The following MSI2 variants were observed in gnomAD, a reference collection of about 807,000 sequenced individuals.
MSI2 encodes RNA-binding protein Musashi homolog 2.
In MSI2, 17 loss-of-function variants were observed where a neutral mutation model predicts 45.6. That is an observed-to-expected ratio of 0.37 (90% CI 0.26 to 0.56). MSI2 has a LOEUF of 0.56. Among genes scored for constraint, MSI2 ranks in the 20% least tolerant of loss-of-function variants. The pLI is 0.77. For synonymous variants in MSI2, 156 were observed against 158.2 expected (o/e 0.99, Z 0.11); for missense variants, 293 against 444.2 (o/e 0.66, Z 3.06).
At chr17:57,477,807 A>C (rs2085570154) in intron 6 of MSI2, among the ~76,000 whole-genome samples, 5 of 152,150 alleles carry the variant, frequency 3.3e-5, no homozygotes, top group Admixed American at 3.3e-4. Flanking sequence ...GGGACTTGAC[A>C]TCCCTGTCCC....
At chr17:57,368,251 A>C (rs2143942523) in intron 5 of MSI2, among the ~76,000 whole-genome samples, 1 of 152,296 alleles carries the variant, frequency 6.6e-6, no homozygotes, top group Admixed American at 6.5e-5. Context: ...TTCTGTGTTT[A>C]AAAATGTCTC....
At chr17:57,541,823 T>C (rs189562291) in intron 7 of MSI2, among the ~76,000 whole-genome samples, 1 of 152,308 alleles carries the variant, frequency 6.6e-6, no homozygotes, top group Admixed American at 6.5e-5. Flanking sequence ...CCTTACGCAT[T>C]TGAAATTTCT....
rs553316549 is a variant in MSI2 at position 57,364,619 on chromosome 17, CCTCCAGGATGCCCCCTTTCCCCT to C, written c.313-36753_313-36731del. The stretch of plus-strand genomic sequence containing the variant: ...TTTTCCACCCATACAATAACCATCA[CCTCCAGGATGCCCCCTTTCCCCT>C]CTCCAGCTTGGACATCGCTGCAAGA... On this transcript the variant is annotated intron_variant, in intron 5 of 13. Transcript: ENST00000284073. Among the ~76,000 whole-genome samples the C allele has an allele frequency of 3.2e-3, 487 of 152,282 alleles. 2 individuals are homozygous for C. The highest frequency in any genetic ancestry group is 4.9e-3 in the Non-Finnish European group (333 of 68,026).
chr17:57,548,839 C>T (rs1011212605), intron 7 of MSI2, among the ~76,000 whole-genome samples: 1 of 151,932 alleles, frequency 6.6e-6, no homozygotes, highest in Non-Finnish European at 1.5e-5. Context: ...TTTAGACACT[C>T]GGCAATTTTT....
intron 8 of MSI2, among the ~76,000 whole-genome samples, chr17:57,605,327 T>C (rs1344079187): frequency 6.6e-6 from 1 of 152,212 alleles, no homozygotes; most frequent in Non-Finnish European, 1.5e-5. Context: ...TGTTGCTCTT[T>C]AGGCAGAAGT....
chr17:57,680,168 C>G lies in MSI2; in HGVS notation c.*651C>G. 4.4e-6 allele frequency: 1 copy of G among 228,930 alleles called. No individual in the cohort carries two copies. 14.2% of individuals were successfully genotyped at this position (228,930 alleles called of 1,614,324 possible). A position where few individuals can be genotyped will look rare whatever the true frequency, so the allele number is the denominator to read the frequency against. The stretch of plus-strand genomic sequence containing the variant: ...AAGTGAGATGTAGTAAGCTAATTAA[C>G]AGACTTTCTAGCAGTTCTTTTTGTG... On this transcript the variant is annotated 3_prime_UTR_variant, in exon 14 of 14. Coordinates refer to ENST00000284073, the MANE Select transcript of MSI2 (RefSeq NM_138962.4).
At chr17:57,394,377 T>C (rs892189981) in intron 5 of MSI2, among the ~76,000 whole-genome samples, 1 of 152,164 alleles carries the variant, frequency 6.6e-6, no homozygotes, top group Non-Finnish European at 1.5e-5. Context: ...GGACCTGCCA[T>C]AAGATTGACA....
chr17:57,685,149 GT>G (rs1241328161), downstream of MSI2, among the ~76,000 whole-genome samples: 2 of 152,144 alleles, frequency 1.3e-5, no homozygotes, highest in Non-Finnish European at 2.9e-5. Context: ...GGAGTTTTAA[GT>G]TTTGCCTACT....
intron 5 of MSI2, among the ~76,000 whole-genome samples, chr17:57,277,391 G>A (rs1405234666): frequency 6.6e-6 from 1 of 152,202 alleles, no homozygotes; most frequent in Admixed American, 6.5e-5. Context: ...TTTGGGTCGT[G>A]AGGGAGTATG....
chr17:57,331,515 G>T (rs1914274451), intron 5 of MSI2, among the ~76,000 whole-genome samples: 1 of 152,104 alleles, frequency 6.6e-6, no homozygotes, highest in Admixed American at 6.5e-5. Context: ...GCCACGTGAG[G>T]GTTGATCATC....
In MSI2 at chr17:57,315,871, C is replaced by T. The variant is rs144259038; in HGVS notation, c.312+53679C>T. On this transcript the variant is annotated intron_variant, in intron 5 of 13. Coordinates refer to ENST00000284073, the MANE Select transcript of MSI2 (RefSeq NM_138962.4). ...GGTTAATGCATTTCACCCCACAGAG[C>T]TAATTTGCCTCTGTCTAAATTAGGT... Among the ~76,000 whole-genome samples the T allele has an allele frequency of 4.3e-3, 654 of 152,206 alleles. 8 individuals are homozygous for T. The highest frequency in any genetic ancestry group is 0.015 in the African/African-American group (624 of 41,518).
chr17:57,472,572 C>A (rs1300458965), intron 6 of MSI2, among the ~76,000 whole-genome samples: 1 of 152,238 alleles, frequency 6.6e-6, no homozygotes, highest in Non-Finnish European at 1.5e-5. Context: ...GGGCTCGAAT[C>A]CTAGCTCTGC....
chr17:57,605,982 AAGG>A (rs1467877420), intron 8 of MSI2, among the ~76,000 whole-genome samples: 1 of 152,290 alleles, frequency 6.6e-6, no homozygotes, highest in Non-Finnish European at 1.5e-5. Context: ...CAGAAATGAA[AAGG>A]AGGACAGCTG....
intron 5 of MSI2, among the ~76,000 whole-genome samples, chr17:57,305,619 G>A (rs1418076118): frequency 1.3e-5 from 2 of 152,152 alleles, no homozygotes; most frequent in South Asian, 2.1e-4. Flanking sequence ...GCAGGGTGAA[G>A]GAAGATAAAG....
At chr17:57,518,538 G>A (rs528844083) in intron 6 of MSI2, among the ~76,000 whole-genome samples, 14 of 152,336 alleles carry the variant, frequency 9.2e-5, no homozygotes, top group African/African-American at 2.4e-4. Context: ...GGTCAGAGTC[G>A]TGGAGATCCA....
chr17:57,459,340 G>A (rs967897863), intron 6 of MSI2, among the ~76,000 whole-genome samples: 5 of 152,166 alleles, frequency 3.3e-5, no homozygotes, highest in African/African-American at 1.2e-4. Flanking sequence ...GATGCCGCAC[G>A]GGGGCATTGT....
At chr17:57,553,233 G>A (rs1391801989) in intron 7 of MSI2, among the ~76,000 whole-genome samples, 1 of 152,316 alleles carries the variant, frequency 6.6e-6, no homozygotes, top group South Asian at 2.1e-4. Flanking sequence ...ACAGAGCACT[G>A]GACTGGGGAC....
chr17:57,608,005 A>C (rs896909967), intron 8 of MSI2, among the ~76,000 whole-genome samples: 3 of 152,194 alleles, frequency 2.0e-5, no homozygotes, highest in Non-Finnish European at 4.4e-5. Context: ...TGGGGAGTAC[A>C]TTTCAACATG....
At chr17:57,574,816 TTCTC>T (rs1215258793) in intron 7 of MSI2, among the ~76,000 whole-genome samples, 29 of 150,862 alleles carry the variant, frequency 1.9e-4, no homozygotes, top group East Asian at 5.8e-4. Flanking sequence ...AAATTCTGCA[TTCTC>T]TCTCTCTCTT....
Sources: gnomAD v4.1 joint callset for allele counts (sites outside exome capture counted in the v4.1 genomes callset) on GRCh38, gnomAD v4.1.1 for gene constraint, MANE v1.5 for transcripts, NCBI Gene and HGNC (gene_info 2026-07-23, HGNC 2026-07-21) for gene names.